ARB2A: variants seen among roughly 807,000 people sequenced by gnomAD.
The protein encoded by ARB2A is cotranscriptional regulator ARB2A.
At chr5:94,074,710 C>T in the ARB2A span, 2 of 1,612,614 alleles carry the variant, frequency 1.2e-6, no homozygotes, top group Non-Finnish European at 1.7e-6. Flanking sequence ...CCATGTTTAT[C>T]CAAATTGGCA....
the ARB2A span, among the ~76,000 whole-genome samples, chr5:94,088,201 T>TA: frequency 6.6e-6 from 1 of 152,186 alleles, no homozygotes; most frequent in Non-Finnish European, 1.5e-5. Flanking sequence ...TATATATCAA[T>TA]AACATATTGT....
chr5:93,827,789 G>C, the ARB2A span, among the ~76,000 whole-genome samples: 1 of 151,570 alleles, frequency 6.6e-6, no homozygotes, highest in Non-Finnish European at 1.5e-5. Context: ...TGTAAGGAAG[G>C]GATCCAGTTT....
the ARB2A span, among the ~76,000 whole-genome samples, chr5:93,710,531 CAT>C: frequency 6.6e-6 from 1 of 152,116 alleles, no homozygotes; most frequent in African/African-American, 2.4e-5. Flanking sequence ...GCCACACACA[CAT>C]AGCTATTTCC....
the ARB2A span, among the ~76,000 whole-genome samples, chr5:93,675,268 C>T: frequency 6.6e-6 from 1 of 152,138 alleles, no homozygotes; most frequent in Non-Finnish European, 1.5e-5. Flanking sequence ...GATCATTCTA[C>T]TAAAGAAAAA....
At chr5:93,742,428 GC>G in the ARB2A span, among the ~76,000 whole-genome samples, 1 of 151,990 alleles carries the variant, frequency 6.6e-6, no homozygotes, top group Non-Finnish European at 1.5e-5. Flanking sequence ...TTATCCTTAG[GC>G]CCTTATCCCA....
the ARB2A span, among the ~76,000 whole-genome samples, chr5:94,028,236 C>A: frequency 1.3e-5 from 2 of 152,106 alleles, no homozygotes; most frequent in African/African-American, 4.8e-5. Context: ...GCAGTCAGGG[C>A]CTTTCATTCT....
At chr5:93,977,234 G>A in the ARB2A span, among the ~76,000 whole-genome samples, 13 of 151,506 alleles carry the variant, frequency 8.6e-5, 1 homozygote, top group East Asian at 1.7e-3. Context: ...ATTTTTCACA[G>A]AATTAGAAAA....
chr5:93,901,583 T>A, the ARB2A span, among the ~76,000 whole-genome samples: 1 of 152,130 alleles, frequency 6.6e-6, no homozygotes, highest in Non-Finnish European at 1.5e-5. Context: ...TGAAAGATGT[T>A]TATAAAGTTT....
At chr5:93,993,627 AAAG>A in the ARB2A span, among the ~76,000 whole-genome samples, 6 of 152,246 alleles carry the variant, frequency 3.9e-5, no homozygotes, top group Non-Finnish European at 8.8e-5. Context: ...TTTTATAAAA[AAAG>A]AACTTCCAAA....
chr5:94,045,706 A>G, the ARB2A span, among the ~76,000 whole-genome samples: 1 of 152,184 alleles, frequency 6.6e-6, no homozygotes, highest in Admixed American at 6.5e-5. Flanking sequence ...TATTGTCAGG[A>G]CACAGAAAGT....
the ARB2A span, among the ~76,000 whole-genome samples, chr5:93,700,412 C>T: frequency 6.0e-5 from 9 of 150,256 alleles, no homozygotes; most frequent in East Asian, 1.9e-4. Context: ...ACATTTTAAA[C>T]GAAAAGGAAG....
chr5:94,074,824 G>C, the ARB2A span: 1 of 1,208,382 alleles, frequency 8.3e-7, no homozygotes, highest in Non-Finnish European at 1.2e-6. Flanking sequence ...TCTATTCCAC[G>C]AGAACTTCCT....
chr5:94,086,804 C>T, the ARB2A span, among the ~76,000 whole-genome samples: 170 of 152,318 alleles, frequency 1.1e-3, 1 homozygote, highest in African/African-American at 3.8e-3. Context: ...CCACAAGCCT[C>T]AGCCTCCCAA....
chr5:93,755,087 G>A, the ARB2A span, among the ~76,000 whole-genome samples: 1 of 152,100 alleles, frequency 6.6e-6, no homozygotes, highest in African/African-American at 2.4e-5. Flanking sequence ...ATTCTAAAAT[G>A]CCTAATGGGA....
chr5:93,846,099 T>A, the ARB2A span, among the ~76,000 whole-genome samples: 1 of 151,974 alleles, frequency 6.6e-6, no homozygotes, highest in East Asian at 1.9e-4. Flanking sequence ...ATCTTAGATG[T>A]TCAAACTCTG....
chr5:93,765,519 C>CA, the ARB2A span, among the ~76,000 whole-genome samples: 1 of 152,174 alleles, frequency 6.6e-6, no homozygotes, highest in East Asian at 1.9e-4. Context: ...AGGAGAACTA[C>CA]AAACCACTGC....
the ARB2A span, among the ~76,000 whole-genome samples, chr5:94,109,824 A>G: frequency 6.6e-6 from 1 of 151,822 alleles, no homozygotes; most frequent in Non-Finnish European, 1.5e-5. Context: ...CACCCTATCT[A>G]AAATAGCATC....
At chr5:93,638,162 T>C in the ARB2A span, among the ~76,000 whole-genome samples, 1,092 of 152,352 alleles carry the variant, frequency 7.2e-3, 8 homozygotes, top group South Asian at 0.02. Context: ...CTAATGTTAA[T>C]TGGTATCTTT....
the ARB2A span, among the ~76,000 whole-genome samples, chr5:93,662,124 C>T: frequency 7.2e-4 from 109 of 152,254 alleles, no homozygotes; most frequent in African/African-American, 2.4e-3. Flanking sequence ...ATTCATTTCA[C>T]GTTACAGCAA....
Sources: allele counts gnomAD v4.1 joint callset (sites outside exome capture counted in the v4.1 genomes callset), GRCh38; gene constraint gnomAD v4.1.1; transcripts MANE v1.5; gene names NCBI Gene and HGNC (gene_info 2026-07-23, HGNC 2026-07-21).